Variants in ARID2 observed in about 807,000 individuals in gnomAD.
ARID2 encodes the protein AT-rich interaction domain 2, also known as AT-rich interactive domain-containing protein 2.
Under a neutral mutation model 184.6 loss-of-function variants are expected in ARID2, and 32 were observed. The observed-to-expected ratio is 0.17, with a 90% CI of 0.13 to 0.23. The LOEUF (loss-of-function observed/expected upper bound fraction) is 0.23. ARID2 is among the 10% of genes least tolerant of loss of function. ARID2 has a pLI of 1.00. For synonymous variants in ARID2, 836 were observed against 772.6 expected (o/e 1.08, Z -1.36); for missense variants, 1,696 against 2,197.6 (o/e 0.77, Z 4.56).
At chr12:45,897,812 G>A (rs1328172398) in intron 20 of ARID2, among the ~76,000 whole-genome samples, 3 of 151,968 alleles carry the variant, frequency 2.0e-5, no homozygotes, top group Admixed American at 1.3e-4. Context: ...TAAAGTTCAC[G>A]CTTTTTAGTG....
intron 3 of ARID2, among the ~76,000 whole-genome samples, chr12:45,798,965 A>G (rs1942443512): frequency 6.6e-6 from 1 of 151,684 alleles, no homozygotes; most frequent in Admixed American, 6.6e-5. Context: ...TAAGTGAAAA[A>G]TTGAGGTACT....
chr12:45,861,299 G>GT (rs1228416470), intron 16 of ARID2, among the ~76,000 whole-genome samples: 1 of 152,050 alleles, frequency 6.6e-6, no homozygotes, highest in Admixed American at 6.6e-5. Context: ...GGCAGCTATA[G>GT]TATTTCCATA....
intron 3 of ARID2, among the ~76,000 whole-genome samples, 192 bp downstream of exon 3, chr12:45,731,506 A>G (rs1449392720): frequency 6.6e-6 from 1 of 152,234 alleles, no homozygotes; most frequent in Non-Finnish European, 1.5e-5. Context: ...CAATTTCAGG[A>G]TCGTTTACAT....
chr12:45,782,955 AAAAT>A, intron 3 of ARID2, among the ~76,000 whole-genome samples: 2 of 152,114 alleles, frequency 1.3e-5, no homozygotes, highest in Non-Finnish European at 2.9e-5. Context: ...CTAAAAATGC[AAAAT>A]AAATAAATAA....
chr12:45,894,469 C>CCACTATT (rs1453860178), intron 20 of ARID2, among the ~76,000 whole-genome samples: 1 of 152,168 alleles, frequency 6.6e-6, no homozygotes. Context: ...CTTCCCTACA[C>CCACTATT]CACTATTTTA....
intron 3 of ARID2, among the ~76,000 whole-genome samples, chr12:45,810,697 A>G (rs1282579749): frequency 1.3e-5 from 2 of 152,214 alleles, no homozygotes; most frequent in Admixed American, 6.5e-5. Context: ...AGGTTTGCAC[A>G]TGAACCTGTT....
intron 12 of ARID2, 96 bp from the exon 13 acceptor site, chr12:45,848,740 T>C (rs1035340221): frequency 1.9e-6 from 2 of 1,026,550 alleles, no homozygotes; most frequent in African/African-American, 3.3e-5. Context: ...GTATAATTAT[T>C]AGTTTTAACA....
At chr12:45,866,928 TTTGTTGTTGTTG>T (rs369872664) in intron 16 of ARID2, among the ~76,000 whole-genome samples, 14,191 of 150,120 alleles carry the variant, frequency 0.095, 2,245 homozygotes, top group African/African-American at 0.32. Context: ...TTTTGTGAAG[TTTGTTGTTGTTG>T]TTGTTGTTGT....
rs1352572196 is a variant in ARID2, at chr12:45,907,454, A to G, written c.*2376A>G. ...ATGCTGTAGTTCTAGCTTTTCTGCT[A>G]TAATATGTAAATATGACTGTAGCCT... On this transcript the variant is annotated 3_prime_UTR_variant, in exon 21 of 21. Coordinates refer to ENST00000334344, the MANE Select transcript of ARID2 (RefSeq NM_152641.4). 2.1e-5 allele frequency: 5 copies of G among 233,374 alleles called. No individual in the cohort carries two copies. In the South Asian group the frequency reaches 9.1e-4, roughly 42 times the overall value. The allele number at this position is 233,374 out of a possible 1,614,324, so 14.5% of individuals were successfully genotyped here. A position where few individuals can be genotyped will look rare whatever the true frequency, so the allele number is the denominator to read the frequency against.
At position 45,850,664 on chromosome 12, in the gene ARID2, C is replaced by T. The variant is rs2138163978; in HGVS notation, c.2541C>T (p.Ile847=). The change falls in exon 15 of 21, where the codon ATC becomes ATT. Residue 847 remains isoleucine (I), a synonymous_variant. Coordinates refer to ENST00000334344, the MANE Select transcript of ARID2 (RefSeq NM_152641.4). ...SAGSQSQDTV[I]IAPPQYVTTS... ...GTAGCCAGTCACAAGATACTGTTAT[C>T]ATAGCACCCCCACAGTATGTAACAA... 1 of 1,614,134 alleles carries T rather than the reference C, an allele frequency of 6.2e-7. No homozygotes were observed. Among genetic ancestry groups the T allele is most frequent in the South Asian group, 1.1e-5 (1 of 91,086 alleles).
chr12:45,736,732 G>A (rs1036175688), intron 3 of ARID2, among the ~76,000 whole-genome samples: 9 of 152,188 alleles, frequency 5.9e-5, no homozygotes, highest in African/African-American at 2.2e-4. Flanking sequence ...TTCCAGAAAT[G>A]TTAATATATT....
chr12:45,789,769 A>G (rs1344121551), intron 3 of ARID2: 1 of 152,176 alleles, frequency 6.6e-6, no homozygotes, highest in Non-Finnish European at 1.5e-5. Context: ...CTGGAAATTG[A>G]ACCTTTTATC....
intron 3 of ARID2, among the ~76,000 whole-genome samples, chr12:45,775,658 A>G (rs574448930): frequency 6.6e-5 from 10 of 152,322 alleles, no homozygotes; most frequent in South Asian, 4.1e-4. Context: ...AGCTCAGCCA[A>G]TGTCATATGA....
intron 3 of ARID2, among the ~76,000 whole-genome samples, chr12:45,786,711 A>G (rs1460798010): frequency 6.6e-6 from 1 of 152,214 alleles, no homozygotes; most frequent in East Asian, 1.9e-4. Context: ...ACCATTATTC[A>G]CAATAGCCAA....
chr12:45,736,688 G>A (rs1941132242), intron 3 of ARID2, among the ~76,000 whole-genome samples: 2 of 152,262 alleles, frequency 1.3e-5, no homozygotes, highest in Admixed American at 1.3e-4. Context: ...GGTATTCAGG[G>A]CCAACTAGAG....
At chr12:45,896,884 G>GA (rs1592147051) in intron 20 of ARID2, among the ~76,000 whole-genome samples, 1 of 152,006 alleles carries the variant, frequency 6.6e-6, no homozygotes, top group African/African-American at 2.4e-5. Context: ...TGAAGCTATA[G>GA]AAAAAATATA....
At chr12:45,765,828 C>T (rs73095491) in intron 3 of ARID2, among the ~76,000 whole-genome samples, 57 of 152,218 alleles carry the variant, frequency 3.7e-4, no homozygotes, top group Non-Finnish European at 7.6e-4. Flanking sequence ...TTTCTTGCCC[C>T]TTTTTAACCT....
At chr12:45,837,730 T>A (rs1261772435) in intron 10 of ARID2, 23 bp downstream of exon 10, 1 of 1,596,650 alleles carries the variant, frequency 6.3e-7, no homozygotes, top group South Asian at 1.1e-5. Context: ...CAAAAAACAC[T>A]TATTTTCTTT....
intron 3 of ARID2, 40 bp downstream of exon 3, chr12:45,731,354 G>T (rs1565574697): frequency 1.4e-6 from 2 of 1,425,074 alleles, no homozygotes; most frequent in East Asian, 4.5e-5. Context: ...TGGAAATAAG[G>T]GACTTATGGA....
Sources: gnomAD v4.1 joint callset for allele counts (sites outside exome capture counted in the v4.1 genomes callset) on GRCh38, gnomAD v4.1.1 for gene constraint, MANE v1.5 for transcripts, NCBI Gene and HGNC (gene_info 2026-07-23, HGNC 2026-07-21) for gene names.